Variants in KIF19 observed in about 807,000 individuals in gnomAD.
The protein encoded by KIF19 is kinesin-like protein KIF19.
Under a neutral mutation model 106.6 loss-of-function variants are expected in KIF19, and 98 were observed. The observed-to-expected ratio is 0.92, with a 90% CI of 0.78 to 1.09. KIF19 has a LOEUF of 1.09. KIF19 is among the 50% of genes least tolerant of loss of function. The pLI is 0.00. For missense variants in KIF19, 1,373 were observed against 1,414.3 expected, an observed-to-expected ratio of 0.97 and a Z score of 0.47; for synonymous variants, 516 against 584.2, an observed-to-expected ratio of 0.88 and a Z score of 1.68.
intron 2 of KIF19, among the ~76,000 whole-genome samples, chr17:74,340,595 A>G (rs918411418): frequency 2.4e-5 from 3 of 126,794 alleles, no homozygotes; most frequent in African/African-American, 8.6e-5. Context: ...CCTACCCTGC[A>G]GGGAGGGGAG....
intron 19 of KIF19, 52 bp downstream of exon 19, chr17:74,354,993 G>A (rs2054839528): frequency 4.5e-6 from 7 of 1,561,478 alleles, no homozygotes; most frequent in Non-Finnish European, 6.1e-6. Context: ...CCAGGCAGGG[G>A]AGCAGAGAAG....
intron 2 of KIF19, among the ~76,000 whole-genome samples, chr17:74,336,749 G>A (rs1238496007): frequency 6.6e-6 from 1 of 152,196 alleles, no homozygotes; most frequent in African/African-American, 2.4e-5. Context: ...CAGTGAGGCT[G>A]TGGGTAATTT....
At chr17:74,352,772 G>A (rs1474320606) in intron 14 of KIF19, 49 bp from the exon 15 acceptor site, 1 of 1,611,692 alleles carries the variant, frequency 6.2e-7, no homozygotes, top group Non-Finnish European at 8.5e-7. Flanking sequence ...TGCTGATTTG[G>A]TCCAGGACCA....
chr17:74,341,527 T>C (rs2054373181), intron 2 of KIF19, among the ~76,000 whole-genome samples: 1 of 152,142 alleles, frequency 6.6e-6, no homozygotes, highest in South Asian at 2.1e-4. Context: ...CCCCTGGGGC[T>C]GTACTGGCCT....
intron 2 of KIF19, among the ~76,000 whole-genome samples, chr17:74,332,066 C>T (rs2054097459): frequency 6.6e-6 from 1 of 152,084 alleles, no homozygotes; most frequent in African/African-American, 2.4e-5. Context: ...GTCTCAAGGG[C>T]TGAAATATGG....
intron 3 of KIF19, among the ~76,000 whole-genome samples, chr17:74,342,377 A>G (rs886220530): frequency 7.9e-5 from 12 of 152,162 alleles, no homozygotes; most frequent in African/African-American, 2.9e-4. Flanking sequence ...GATGTGATGC[A>G]TCCTCAGGGC....
Position 74,354,821 on chromosome 17 carries a change from G to A in KIF19, c.2746G>A (p.Ala916Thr), listed in dbSNP as rs2144310112. The A allele has an allele frequency of 1.4e-5, 22 of 1,560,228 alleles. No homozygotes were observed. Among genetic ancestry groups the A allele is most frequent in the Non-Finnish European group, 1.9e-5 (22 of 1,152,326 alleles). Residue 916 changes from alanine (A) to threonine (T), a missense_variant, in exon 19 of 20, where the codon GCG becomes ACG. Physicochemically the swap from Ala to Thr is moderately conservative, Grantham distance 58. Transcript: ENST00000389916. ...PKTHLLGPHQ[A>T]ERISDHRMPV... ...GACACACCTCCTGGGGCCCCATCAG[G>A]CGGAGCGCATCTCGGACCACAGGAT...
Position 74,355,410 on chromosome 17 carries a change from A to C in KIF19, c.*98A>C, listed in dbSNP as rs1302520964. ...GCTGGGCAGATGGAGATGACCAGGAAGTAAGCTCAGGATCTCAGCAGGCCA... is the reference window on the plus strand; with the variant it reads ...GCTGGGCAGATGGAGATGACCAGGACGTAAGCTCAGGATCTCAGCAGGCCA... On this transcript the variant is annotated 3_prime_UTR_variant, in exon 20 of 20. Coordinates refer to ENST00000389916, the MANE Select transcript of KIF19 (RefSeq NM_153209.4). 11 of 1,406,456 alleles carry C rather than the reference A, an allele frequency of 7.8e-6. No homozygotes were observed. The highest frequency in any genetic ancestry group is 1.0e-5 in the Non-Finnish European group (11 of 1,066,102). 87.1% of individuals were successfully genotyped at this position (1,406,456 alleles called of 1,614,324 possible).
chr17:74,329,144 G>C (rs2054001269), intron 2 of KIF19: 1 of 152,248 alleles, frequency 6.6e-6, no homozygotes, highest in Admixed American at 6.5e-5. Context: ...TAGGTAAGAA[G>C]GGGATAAGAC....
chr17:74,327,672 C>A (rs151312566), intron 1 of KIF19, among the ~76,000 whole-genome samples: 2 of 152,144 alleles, frequency 1.3e-5, no homozygotes, highest in Admixed American at 1.3e-4. Context: ...GGTGTTTCGC[C>A]GTGTTGGCCA....
At chr17:74,337,130 G>A (rs907610022) in intron 2 of KIF19, among the ~76,000 whole-genome samples, 12 of 152,180 alleles carry the variant, frequency 7.9e-5, no homozygotes, top group East Asian at 3.9e-4. Flanking sequence ...CACCGTGCCC[G>A]GCAAGAGTGC....
At chr17:74,332,599 C>T (rs1030697571) in intron 2 of KIF19, among the ~76,000 whole-genome samples, 2 of 152,162 alleles carry the variant, frequency 1.3e-5, no homozygotes, top group African/African-American at 4.8e-5. Context: ...CCTCTGCTCC[C>T]GGGGTGCTGT....
rs371275100 is a variant in KIF19 at position 74,346,911 on chromosome 17, T to A, written c.924+387T>A. Among the ~76,000 whole-genome samples the A allele has an allele frequency of 3.9e-4, 60 of 152,150 alleles. No individual in the cohort carries two copies. Among genetic ancestry groups the A allele is most frequent in the African/African-American group, 1.4e-3 (59 of 41,516 alleles). On this transcript the variant is annotated intron_variant, in intron 8 of 19. Transcript: ENST00000389916. The surrounding 1 kb of genome is among the most constrained non-coding windows in gnomAD (Gnocchi z 4.6). ...GGGGGTGGCCTCCTTTGTGCAGGGGTGTCCTTGGCCTTAAATTATAGCAGC... is the reference window on the plus strand; with the variant it reads ...GGGGGTGGCCTCCTTTGTGCAGGGGAGTCCTTGGCCTTAAATTATAGCAGC...
rs780251462 is a variant in KIF19, at chr17:74,354,234, G to A, written c.2381G>A (p.Gly794Glu). The A allele has an allele frequency of 1.2e-6, 2 of 1,608,710 alleles. No individual in the cohort carries two copies. The highest frequency in any genetic ancestry group is 4.5e-5 in the East Asian group (2 of 44,850). The change falls in exon 18 of 20, where the codon GGA becomes GAA. Residue 794 changes from glycine to glutamate, a missense_variant. Coordinates refer to ENST00000389916, the MANE Select transcript of KIF19 (RefSeq NM_153209.4). Reference protein sequence around the residue: ...KAARRRSRALGTEGRHLLAPA... With the variant: ...KAARRRSRALETEGRHLLAPA... Reference sequence around the variant, plus strand: ...GCCCGGCGGCGCTCGCGGGCCCTGGGAACCGAGGGGCGACACCTGCTGGCA... The same window carrying A: ...GCCCGGCGGCGCTCGCGGGCCCTGGAAACCGAGGGGCGACACCTGCTGGCA...
Position 74,350,525 on chromosome 17 carries a change from C to T in KIF19, c.1338C>T (p.Arg446=), listed in dbSNP as rs551291127. ...VRRRLLELEN[R]AMEVQIDTSR... is the part of the protein sequence containing the mutation. ...GGCGCCTGCTGGAGCTGGAGAACCG[C>T]GCCATGGAGGTCCAGATTGACACCT... Residue 446 remains arginine, a synonymous_variant, in exon 11 of 20, where the codon CGC becomes CGT. Coordinates refer to ENST00000389916, the MANE Select transcript of KIF19 (RefSeq NM_153209.4). 9.0e-5 allele frequency: 145 copies of T among 1,612,832 alleles called. 2 individuals are homozygous for T. The South Asian group carries it at 1.0e-3, about 11-fold the overall frequency.
In KIF19 at chr17:74,349,231, C is replaced by T; in HGVS notation, c.1095C>T (p.Thr365=). ...TCTCCTACCACATCGCCCAGTACACCAGCATCATCGCTGACCTGCGGGGCG... is the reference window on the plus strand; with the variant it reads ...TCTCCTACCACATCGCCCAGTACACTAGCATCATCGCTGACCTGCGGGGCG... The part of the protein sequence containing the change: ...LNVSYHIAQY[T]SIIADLRGEI... The change falls in exon 10 of 20, where the codon ACC becomes ACT. Residue 365 remains threonine, a synonymous_variant. Transcript: ENST00000389916. 6.2e-7 allele frequency: 1 copy of T among 1,613,826 alleles called. No individual in the cohort carries two copies. The highest frequency in any genetic ancestry group is 1.1e-5 in the South Asian group (1 of 91,080).
chr17:74,337,207 T>C (rs2054240550), intron 2 of KIF19, among the ~76,000 whole-genome samples: 1 of 152,052 alleles, frequency 6.6e-6, no homozygotes, highest in Non-Finnish European at 1.5e-5. Flanking sequence ...CAATCACCAC[T>C]CCCTATAAAC....
At chr17:74,343,734 C>G (rs2054448722) in intron 5 of KIF19, among the ~76,000 whole-genome samples, 1 of 152,224 alleles carries the variant, frequency 6.6e-6, no homozygotes, top group Non-Finnish European at 1.5e-5. Context: ...GCACCAGCAG[C>G]TGCTGGCCAA....
intron 9 of KIF19, chr17:74,348,717 G>A: frequency 5.7e-6 from 1 of 176,042 alleles, no homozygotes; most frequent in Non-Finnish European, 1.2e-5. Flanking sequence ...AGGAACAGGA[G>A]GTGGGGGTGG....
Sources: allele counts gnomAD v4.1 joint callset (sites outside exome capture counted in the v4.1 genomes callset), GRCh38; gene constraint gnomAD v4.1.1; non-coding constraint Gnocchi (gnomAD v3.1); transcripts MANE v1.5; gene names NCBI Gene and HGNC (gene_info 2026-07-23, HGNC 2026-07-21).